CXCL17: variants seen among roughly 807,000 people sequenced by gnomAD.
The protein encoded by CXCL17 is C-X-C motif chemokine 17.
CXCL17 carries 9 observed loss-of-function variants against 15.5 expected under a neutral mutation model. The observed-to-expected ratio is 0.58, with a 90% CI of 0.35 to 1.01. The LOEUF is 1.01. Ranked by LOEUF, CXCL17 falls within the 50% of genes least tolerant of loss-of-function variation. The probability of loss-of-function intolerance (pLI) is 0.02; values close to 1 mark genes in which losing one functional copy is unlikely to be tolerated. For synonymous variants in CXCL17, 52 were observed against 52.3 expected, an observed-to-expected ratio of 0.99 and a Z score of 0.02; for missense variants, 133 against 138.2, an observed-to-expected ratio of 0.96 and a Z score of 0.19.
intron 1 of CXCL17, among the ~76,000 whole-genome samples, chr19:42,440,616 C>T (rs2040882475): frequency 6.6e-6 from 1 of 152,166 alleles, no homozygotes; most frequent in South Asian, 2.1e-4. Context: ...GGACACGCTG[C>T]GGATCATTTA....
intron 1 of CXCL17, among the ~76,000 whole-genome samples, chr19:42,438,370 A>AT: frequency 1.8e-5 from 2 of 108,394 alleles, no homozygotes; most frequent in Non-Finnish European, 3.4e-5. Context: ...AAAAAAAAAA[A>AT]AAAAAAAAAA....
rs528683401 is a variant in CXCL17 at position 42,432,800 on chromosome 19, A to G, written c.262+176T>C. Reference sequence around the variant, plus strand: ...ACCTTTCCAGTATCAGGAAAATTGTATCCTGCTTTTCCTCTCTTCCTATTT... The same window carrying G: ...ACCTTTCCAGTATCAGGAAAATTGTGTCCTGCTTTTCCTCTCTTCCTATTT... On this transcript the variant is annotated intron_variant, in intron 3 of 3. Transcript: ENST00000601181. 6.2e-4 allele frequency among the ~76,000 whole-genome samples: 95 copies of G among 152,348 alleles called. 1 individual carries two copies. The highest frequency in any genetic ancestry group is 2.2e-3 in the African/African-American group (91 of 41,576).
intron 1 of CXCL17, among the ~76,000 whole-genome samples, chr19:42,435,847 T>C (rs573542853): frequency 0.013 from 1,650 of 123,306 alleles, 21 homozygotes; most frequent in African/African-American, 0.038. Flanking sequence ...AAAAAAAAAG[T>C]AGGGGGGATC....
At chr19:42,434,832 G>A (rs1344197824) in intron 1 of CXCL17, among the ~76,000 whole-genome samples, 1 of 151,996 alleles carries the variant, frequency 6.6e-6, no homozygotes, top group Non-Finnish European at 1.5e-5. Context: ...GCCTTTATCC[G>A]AGCCTGTTTT....
At chr19:42,438,679 C>T (rs2040862198) in intron 1 of CXCL17, among the ~76,000 whole-genome samples, 1 of 151,886 alleles carries the variant, frequency 6.6e-6, no homozygotes, top group Admixed American at 6.6e-5. Context: ...ATATCATTCT[C>T]CCATGAAAGG....
Position 42,433,081 on chromosome 19 carries a change from G to C in CXCL17, c.161-4C>G. On this transcript the variant is annotated splice_polypyrimidine_tract_variant and splice_region_variant and intron_variant, in intron 2 of 3. Transcript: ENST00000601181. ...CTCGGGGCTCTCAGGAACCAATCTG[G>C]AACAACAGCATTGCTGCTTAGATGG... The C allele has an allele frequency of 6.2e-7, 1 of 1,607,072 alleles. No individual in the cohort carries two copies. The highest frequency in any genetic ancestry group is 1.1e-5 in the South Asian group (1 of 90,828).
chr19:42,435,462 T>C (rs907270746), intron 1 of CXCL17, among the ~76,000 whole-genome samples: 3 of 152,142 alleles, frequency 2.0e-5, no homozygotes, highest in African/African-American at 4.8e-5. Flanking sequence ...TATATGGAGA[T>C]AGGACCTTTA....
intron 1 of CXCL17, among the ~76,000 whole-genome samples, chr19:42,440,444 A>G (rs1017794591): frequency 1.3e-5 from 2 of 152,100 alleles, no homozygotes; most frequent in African/African-American, 2.4e-5. Flanking sequence ...GCACTGCAAA[A>G]CTTTGCTTGG....
intron 1 of CXCL17, among the ~76,000 whole-genome samples, chr19:42,441,615 A>G (rs1210899720): frequency 6.6e-6 from 1 of 152,098 alleles, no homozygotes; most frequent in Non-Finnish European, 1.5e-5. Context: ...CACTCTCTCT[A>G]CAAAGGAGGG....
At chr19:42,438,405 T>TAA (rs200386323) in intron 1 of CXCL17, among the ~76,000 whole-genome samples, 3 of 66,876 alleles carry the variant, frequency 4.5e-5, no homozygotes, top group Non-Finnish European at 8.4e-5. Context: ...TATATATATA[T>TAA]AAAATACACA....
At chr19:42,442,373 A>G (rs2040902612) in intron 1 of CXCL17, among the ~76,000 whole-genome samples, 1 of 151,464 alleles carries the variant, frequency 6.6e-6, no homozygotes, top group Non-Finnish European at 1.5e-5. Context: ...AGCTGGGACT[A>G]CAGGTGCGTG....
At chr19:42,437,004 C>G (rs2040840604) in intron 1 of CXCL17, among the ~76,000 whole-genome samples, 1 of 152,038 alleles carries the variant, frequency 6.6e-6, no homozygotes, top group Non-Finnish European at 1.5e-5. Context: ...GTGTTGTGAT[C>G]TCGGCTCACT....
chr19:42,442,852 G>A lies in CXCL17; in HGVS notation c.-20C>T. 3.7e-6 allele frequency: 6 copies of A among 1,600,006 alleles called. No individual in the cohort carries two copies. Among genetic ancestry groups the A allele is most frequent in the Non-Finnish European group, 5.1e-6 (6 of 1,167,558 alleles). ...TTTCATCGCAACTGTCGGTGCAGCT[G>A]TAAGTTGCTTGAAGAATATAATGGA... On this transcript the variant is annotated 5_prime_UTR_variant, in exon 1 of 4. Transcript: ENST00000601181.
intron 3 of CXCL17, among the ~76,000 whole-genome samples, chr19:42,431,591 G>A (rs539910746): frequency 6.8e-6 from 1 of 146,268 alleles, no homozygotes; most frequent in South Asian, 2.1e-4. Context: ...AATGAAGGAT[G>A]TGAAATAGGG....
rs184300142 is a variant in CXCL17, at chr19:42,428,776, G to A, written c.*108C>T. ...TTTGAGAGCACTGGAATGATTTAGG[G>A]GTGGGTACAGTGGGAGAGTGAGGTG... On this transcript the variant is annotated 3_prime_UTR_variant, in exon 4 of 4. Transcript: ENST00000601181. 455 of 811,728 alleles carry A rather than the reference G, an allele frequency of 5.6e-4. 1 individual carries two copies. Among genetic ancestry groups the A allele is most frequent in the South Asian group, 1.0e-3 (73 of 70,610 alleles). 50.3% of individuals were successfully genotyped at this position (811,728 alleles called of 1,614,324 possible).
At position 42,432,388 on chromosome 19, in the gene CXCL17, G is replaced by A. The variant is rs369577949; in HGVS notation, c.262+588C>T. Among the ~76,000 whole-genome samples the A allele has an allele frequency of 1.8e-4, 27 of 152,008 alleles. 1 individual carries two copies. The highest frequency in any genetic ancestry group is 5.8e-4 in the African/African-American group (24 of 41,456). On this transcript the variant is annotated intron_variant, in intron 3 of 3. Coordinates refer to ENST00000601181, the MANE Select transcript of CXCL17 (RefSeq NM_198477.3). ...TTGAACTCCTGGCCTCAAGCAATCC[G>A]CCTGCCTCGGCCTCCCAAAGTACTG...
chr19:42,438,705 G>GA lies in CXCL17; in HGVS notation c.79+4048dup, dbSNP rs1382619796. Reference sequence around the variant, plus strand: ...CCATGAAAGGAACTAGGGCTTCCAGGAAAAATAGCTGATCCAGGGCTGGGG... The same window carrying GA: ...CCATGAAAGGAACTAGGGCTTCCAGGAAAAAATAGCTGATCCAGGGCTGGGG... On this transcript the variant is annotated intron_variant, in intron 1 of 3. Coordinates refer to ENST00000601181, the MANE Select transcript of CXCL17 (RefSeq NM_198477.3). 2.0e-5 allele frequency among the ~76,000 whole-genome samples: 3 copies of GA among 152,042 alleles called. No homozygotes were observed. In the East Asian group the frequency reaches 5.8e-4, roughly 29 times the overall value.
intron 3 of CXCL17, 73 bp downstream of exon 3, chr19:42,432,903 C>T: frequency 1.8e-6 from 2 of 1,122,812 alleles, no homozygotes; most frequent in Non-Finnish European, 1.3e-6. Context: ...TTTTTCTATT[C>T]TCAACGTGCT....
chr19:42,429,114 G>A (rs1241661950), intron 3 of CXCL17, 133 bp from the exon 4 acceptor site: 1 of 631,170 alleles, frequency 1.6e-6, no homozygotes, highest in African/African-American at 1.9e-5. Flanking sequence ...TGCAACCTCT[G>A]CCTCCCGGGT....
Sources: gnomAD v4.1 joint callset for allele counts (sites outside exome capture counted in the v4.1 genomes callset) on GRCh38, gnomAD v4.1.1 for gene constraint, MANE v1.5 for transcripts, NCBI Gene and HGNC (gene_info 2026-07-23, HGNC 2026-07-21) for gene names.